The following TBC1D16 variants were observed in gnomAD, a reference collection of about 807,000 sequenced individuals.
TBC1D16 encodes CTD-2529O21.1.
A neutral mutation model predicts 74.7 loss-of-function variants in TBC1D16; 58 were observed. That is an observed-to-expected ratio of 0.78 (90% CI 0.63 to 0.97). The LOEUF (loss-of-function observed/expected upper bound fraction) is 0.97. Ranked by LOEUF, TBC1D16 falls within the 50% of genes least tolerant of loss-of-function variation. TBC1D16 has a pLI of 0.00. For synonymous variants in TBC1D16, 493 were observed against 474.7 expected, an observed-to-expected ratio of 1.04 and a Z score of -0.50; for missense variants, 1,014 against 1,079.5, an observed-to-expected ratio of 0.94 and a Z score of 0.85.
At position 79,958,502 on chromosome 17, in the gene TBC1D16, G is replaced by GCCA. The variant is rs1321620634; in HGVS notation, c.780-5687_780-5685dup. On this transcript the variant is annotated intron_variant, in intron 3 of 11. Transcript: ENST00000310924. The stretch of plus-strand genomic sequence containing the variant: ...CAAAGTGCTGGGATCACAGGCGTGA[G>GCCA]CCACCGCGCCCAGCCCTGACCAAAT... Among the ~76,000 whole-genome samples, 4 of 152,210 alleles carry GCCA rather than the reference G, an allele frequency of 2.6e-5. No individual in the cohort carries two copies. The South Asian group carries it at 8.3e-4, about 31-fold the overall frequency.
chr17:79,962,201 A>ATTTTTTT lies in TBC1D16; in HGVS notation c.780-9390_780-9384dup, dbSNP rs563506473. 9.2e-5 allele frequency among the ~76,000 whole-genome samples: 6 copies of ATTTTTTT among 64,986 alleles called. No homozygotes were observed. The South Asian group carries it at 4.3e-3, about 47-fold the overall frequency. The allele number at this position is 64,986 out of a possible 152,430, so 42.6% of individuals were successfully genotyped here. A position where few individuals can be genotyped will look rare whatever the true frequency, so the allele number is the denominator to read the frequency against. On this transcript the variant is annotated intron_variant, in intron 3 of 11. Transcript: ENST00000310924. The stretch of plus-strand genomic sequence containing the variant: ...ATCATCAAATTTACCATCTCAACCT[A>ATTTTTTT]TTTTTTTTTTTTTTTTTTTTTTTTT...
intron 3 of TBC1D16, among the ~76,000 whole-genome samples, chr17:79,991,698 G>GGGGGT (rs1321699665): frequency 6.6e-6 from 1 of 150,638 alleles, no homozygotes; most frequent in Non-Finnish European, 1.5e-5. Context: ...ACAGGCAGGT[G>GGGGGT]GGGGTGGGGC....
chr17:79,999,274 T>C (rs533387807), intron 3 of TBC1D16, among the ~76,000 whole-genome samples: 1 of 151,220 alleles, frequency 6.6e-6, no homozygotes, highest in Non-Finnish European at 1.5e-5. Flanking sequence ...AAAAAATTAA[T>C]GGAACACAGC....
In TBC1D16 at chr17:79,944,889, T is replaced by G. The variant is rs1467605438; in HGVS notation, c.1908+19A>C. 1.3e-6 allele frequency: 2 copies of G among 1,544,488 alleles called. No homozygotes were observed. On this transcript the variant is annotated intron_variant, in intron 10 of 11. Coordinates refer to ENST00000310924, the MANE Select transcript of TBC1D16 (RefSeq NM_019020.4). The surrounding 1 kb of genome is among the most constrained non-coding windows in gnomAD (Gnocchi z 7.7). ...GCCATGGTCCCAACCTCCCCAGCCC[T>G]GGCCCCTGCCCTGGTCACCTGGTAG...
At chr17:79,991,143 G>A (rs1442032124) in intron 3 of TBC1D16, among the ~76,000 whole-genome samples, 1 of 152,198 alleles carries the variant, frequency 6.6e-6, no homozygotes, top group African/African-American at 2.4e-5. Context: ...CAAGCAAGAG[G>A]TTCACAAAGT....
At chr17:79,955,680 C>T (rs2143805139) in intron 3 of TBC1D16, among the ~76,000 whole-genome samples, 1 of 152,292 alleles carries the variant, frequency 6.6e-6, no homozygotes, top group South Asian at 2.1e-4. Flanking sequence ...AAAGATCTCA[C>T]ACATAAAACT....
intron 3 of TBC1D16, among the ~76,000 whole-genome samples, chr17:79,967,567 C>T (rs1357495679): frequency 6.6e-6 from 1 of 152,182 alleles, no homozygotes; most frequent in African/African-American, 2.4e-5. Context: ...GACTTGTGTA[C>T]TTAAGACTAT....
intron 3 of TBC1D16, among the ~76,000 whole-genome samples, chr17:79,984,554 G>GAA (rs1447362661): frequency 1.1e-5 from 1 of 90,606 alleles, no homozygotes; most frequent in Non-Finnish European, 2.2e-5. Context: ...TAATTAAAAA[G>GAA]AAAGAAAGAG....
rs1228732805 is a variant in TBC1D16 at position 79,933,182 on chromosome 17, G to A, written c.*7677C>T. 1 of 152,250 alleles carries A rather than the reference G, an allele frequency of 6.6e-6. No homozygotes were observed. The highest frequency in any genetic ancestry group is 1.5e-5 in the Non-Finnish European group (1 of 68,086). 9.4% of individuals were successfully genotyped at this position (152,250 alleles called of 1,614,324 possible). ...CAGCAGGTGTCTCCTGGTCTGGAGA[G>A]GGCATGGAAGTGGCCACAGGTCTGG... On this transcript the variant is annotated 3_prime_UTR_variant, in exon 12 of 12. Coordinates refer to ENST00000310924, the MANE Select transcript of TBC1D16 (RefSeq NM_019020.4).
At chr17:79,964,917 T>C (rs1436411244) in intron 3 of TBC1D16, among the ~76,000 whole-genome samples, 1 of 152,144 alleles carries the variant, frequency 6.6e-6, no homozygotes, top group Non-Finnish European at 1.5e-5. Context: ...TATTGACAGG[T>C]ATTTTATACC....
rs997026932 is a variant in TBC1D16, at chr17:79,986,309, G to C, written c.779+23851C>G. Among the ~76,000 whole-genome samples the C allele has an allele frequency of 4.6e-5, 7 of 152,228 alleles. No individual in the cohort carries two copies. The highest frequency in any genetic ancestry group is 2.1e-4 in the South Asian group (1 of 4,830). On this transcript the variant is annotated intron_variant, in intron 3 of 11. Coordinates refer to ENST00000310924, the MANE Select transcript of TBC1D16 (RefSeq NM_019020.4). The surrounding 1 kb of genome is among the most constrained non-coding windows in gnomAD (Gnocchi z 6.0). ...TTGGGGCCCCAGGTCTATATCCCAA[G>C]GCCACGTTCGCTTCATAAACGCAAG...
At chr17:80,017,490 T>C (rs985852396) in intron 1 of TBC1D16, among the ~76,000 whole-genome samples, 11 of 151,962 alleles carry the variant, frequency 7.2e-5, no homozygotes, top group African/African-American at 9.7e-5. Context: ...GACACCAGCC[T>C]GACCAACATG....
chr17:79,995,205 T>A (rs2035222672), intron 3 of TBC1D16, among the ~76,000 whole-genome samples: 1 of 151,196 alleles, frequency 6.6e-6, no homozygotes, highest in Non-Finnish European at 1.5e-5. Flanking sequence ...GAGGCTGAGG[T>A]AGGAGAATTG....
At chr17:80,017,243 T>C (rs2036120871) in intron 1 of TBC1D16, among the ~76,000 whole-genome samples, 1 of 152,100 alleles carries the variant, frequency 6.6e-6, no homozygotes. Flanking sequence ...AACTCGGCCC[T>C]TGGAGTGCAG....
chr17:80,033,121 T>C (rs183384511), intron 1 of TBC1D16, among the ~76,000 whole-genome samples: 4 of 152,356 alleles, frequency 2.6e-5, no homozygotes, highest in African/African-American at 9.6e-5. Context: ...AAATGTTTTG[T>C]GTCAATCTAG....
rs1037323642 is a variant in TBC1D16 at position 79,988,585 on chromosome 17, C to T, written c.779+21575G>A. Among the ~76,000 whole-genome samples, 13 of 152,344 alleles carry T rather than the reference C, an allele frequency of 8.5e-5. No homozygotes were observed. Among genetic ancestry groups the T allele is most frequent in the Middle Eastern group, 3.4e-3 (1 of 294 alleles). ...GGGTCCTGGTGAACGCACGTGCCTG[C>T]GTTCTGTACCAAACAGTTGTCAACA... is the stretch of plus-strand genomic sequence containing the variant. On this transcript the variant is annotated intron_variant, in intron 3 of 11. Transcript: ENST00000310924. This position sits in a 1 kb window ranked among gnomAD's most constrained non-coding sequence, Gnocchi z 5.7.
intron 3 of TBC1D16, among the ~76,000 whole-genome samples, chr17:79,970,164 C>T (rs933763858): frequency 6.6e-5 from 10 of 151,992 alleles, no homozygotes; most frequent in East Asian, 3.9e-4. Context: ...CGATGCTAAG[C>T]GAAAGAAGCC....
rs543551128 is a variant in TBC1D16, at chr17:80,015,110, A to G, written c.-62-1501T>C. On this transcript the variant is annotated intron_variant, in intron 1 of 11. Coordinates refer to ENST00000310924, the MANE Select transcript of TBC1D16 (RefSeq NM_019020.4). Reference sequence around the variant, plus strand: ...AGCTCACAAACACACACACCAAGCCACGCCAAGGAACGACCGTGTCAGTGA... The same window carrying G: ...AGCTCACAAACACACACACCAAGCCGCGCCAAGGAACGACCGTGTCAGTGA... Among the ~76,000 whole-genome samples the G allele has an allele frequency of 3.3e-5, 5 of 152,294 alleles. No homozygotes were observed. In the East Asian group the frequency reaches 9.7e-4, roughly 29 times the overall value.
chr17:79,989,555 G>A (rs1202657163), intron 3 of TBC1D16, among the ~76,000 whole-genome samples: 2 of 152,248 alleles, frequency 1.3e-5, no homozygotes, highest in African/African-American at 4.8e-5. Context: ...CTTCCCAACA[G>A]TCTGGCATGG....
Sources: allele counts gnomAD v4.1 joint callset (sites outside exome capture counted in the v4.1 genomes callset), GRCh38; gene constraint gnomAD v4.1.1; non-coding constraint Gnocchi (gnomAD v3.1); transcripts MANE v1.5; gene names NCBI Gene and HGNC (gene_info 2026-07-23, HGNC 2026-07-21).